VPS13C: variants seen among roughly 807,000 people sequenced by gnomAD.
VPS13C encodes intermembrane lipid transfer protein VPS13C.
In VPS13C, 358 loss-of-function variants were observed where a neutral mutation model predicts 456.8. That is an observed-to-expected ratio of 0.78 (90% CI 0.72 to 0.86). The LOEUF (loss-of-function observed/expected upper bound fraction) is 0.86, where lower values mean the gene tolerates loss of function less well. VPS13C is among the 40% of genes least tolerant of loss of function. VPS13C has a pLI of 0.00. For missense variants in VPS13C, 4,818 were observed against 4,385.4 expected (o/e 1.10, Z -2.79); for synonymous variants, 1,578 against 1,486.7 (o/e 1.06, Z -1.41).
At chr15:61,857,717 C>T (rs1455509143) in intron 82 of VPS13C, among the ~76,000 whole-genome samples, 1 of 151,982 alleles carries the variant, frequency 6.6e-6, no homozygotes, top group Non-Finnish European at 1.5e-5. Flanking sequence ...TAGGAAGTTA[C>T]GGCAATATAA....
chr15:62,017,398 C>A (rs2047294787), intron 9 of VPS13C, among the ~76,000 whole-genome samples: 1 of 152,048 alleles, frequency 6.6e-6, no homozygotes, highest in Non-Finnish European at 1.5e-5. Flanking sequence ...AGGTTTTCTT[C>A]TAGGGTTTTT....
In VPS13C at chr15:61,890,161, A is replaced by C. The variant is rs775566257; in HGVS notation, c.9341+4T>G. 6.2e-7 allele frequency: 1 copy of C among 1,613,612 alleles called. No homozygotes were observed. Among genetic ancestry groups the C allele is most frequent in the African/African-American group, 1.3e-5 (1 of 75,044 alleles). On this transcript the variant is annotated splice_donor_region_variant and intron_variant, in intron 67 of 84. Coordinates refer to ENST00000644861, the MANE Select transcript of VPS13C (RefSeq NM_020821.3). ...TAGGATGTCTTATTTTCCTTCTTGC[A>C]TACCTGGTTATCCCAATATAGGAAA... is the stretch of plus-strand genomic sequence containing the variant.
intron 8 of VPS13C, 79 bp from the exon 9 acceptor site, chr15:62,020,617 G>A: frequency 7.0e-7 from 1 of 1,432,664 alleles, no homozygotes. Flanking sequence ...GGCAGCAGAG[G>A]GAAATGTGTT....
Position 61,962,462 on chromosome 15 carries a change from T to C in VPS13C, c.3512A>G (p.Tyr1171Cys). 1.2e-6 allele frequency: 2 copies of C among 1,612,176 alleles called. No individual in the cohort carries two copies. Among genetic ancestry groups the C allele is most frequent in the South Asian group, 1.1e-5 (1 of 90,798 alleles). Reference protein sequence around the residue: ...LYPDATEGDLYTDMSKVDGVL... With the variant: ...LYPDATEGDLCTDMSKVDGVL... ...ACCATCCACTTTGGACATGTCAGTA[T>C]ACAAATCCCCCTCAGTAGCATCTGG... The change falls in exon 34 of 85, where the codon TAT becomes TGT. Residue 1171 changes from tyrosine to cysteine, a missense_variant. Coordinates refer to ENST00000644861, the MANE Select transcript of VPS13C (RefSeq NM_020821.3).
intron 15 of VPS13C, among the ~76,000 whole-genome samples, chr15:62,001,386 A>T (rs1035344420): frequency 6.6e-6 from 1 of 152,214 alleles, no homozygotes; most frequent in Non-Finnish European, 1.5e-5. Context: ...TAGGAATTCA[A>T]CTCATTTTTC....
At chr15:61,936,806 A>T in intron 47 of VPS13C, 56 bp from the exon 48 acceptor site, 12 of 1,479,616 alleles carry the variant, frequency 8.1e-6, no homozygotes, top group Non-Finnish European at 1.1e-5. Context: ...GTAGACTATC[A>T]TATCTATATC....
intron 66 of VPS13C, among the ~76,000 whole-genome samples, chr15:61,895,651 G>A (rs1377555932): frequency 1.3e-5 from 2 of 152,210 alleles, no homozygotes; most frequent in East Asian, 3.9e-4. Flanking sequence ...AACCCTGGAA[G>A]AAACAGAAAA....
chr15:61,869,449 T>C (rs1365114290), intron 80 of VPS13C, 51 bp downstream of exon 80: 2 of 1,591,114 alleles, frequency 1.3e-6, no homozygotes, highest in South Asian at 2.2e-5. Flanking sequence ...GTATTCCTTG[T>C]AATAATTAGC....
At chr15:61,914,566 T>C (rs968445547) in intron 61 of VPS13C, among the ~76,000 whole-genome samples, 3 of 151,160 alleles carry the variant, frequency 2.0e-5, no homozygotes, top group Non-Finnish European at 4.4e-5. Flanking sequence ...CAAAACTATG[T>C]TTCTTTTTTT....
intron 45 of VPS13C, 74 bp downstream of exon 45, chr15:61,945,641 A>G (rs2044578128): frequency 8.2e-7 from 1 of 1,223,360 alleles, no homozygotes; most frequent in African/African-American, 1.5e-5. Context: ...GAAGATTTTT[A>G]CTATCTAGGT....
intron 37 of VPS13C, among the ~76,000 whole-genome samples, chr15:61,957,174 ATG>A (rs1272256530): frequency 6.6e-6 from 1 of 152,154 alleles, no homozygotes; most frequent in Non-Finnish European, 1.5e-5. Flanking sequence ...CGCAAACAAA[ATG>A]AAGAATAAAA....
chr15:61,919,568 C>A (rs2043583255), intron 57 of VPS13C, 119 bp from the exon 58 acceptor site: 1 of 1,056,214 alleles, frequency 9.5e-7, no homozygotes, highest in South Asian at 3.5e-5. Context: ...GAAATGATCA[C>A]CACAAATTGC....
intron 5 of VPS13C, 31 bp from the exon 6 acceptor site, chr15:62,028,451 T>C (rs756896149): frequency 1.2e-6 from 2 of 1,608,066 alleles, no homozygotes; most frequent in Non-Finnish European, 1.7e-6. Context: ...ATAACCAAAA[T>C]GCAAAGCAAT....
chr15:62,046,841 T>C (rs1410382531), intron 1 of VPS13C, among the ~76,000 whole-genome samples: 2 of 152,212 alleles, frequency 1.3e-5, no homozygotes, highest in African/African-American at 2.4e-5. Context: ...ACTACCAATA[T>C]GGCTAATAGA....
intron 18 of VPS13C, among the ~76,000 whole-genome samples, chr15:61,988,200 A>G (rs1236547209): frequency 6.6e-6 from 1 of 152,214 alleles, no homozygotes; most frequent in Non-Finnish European, 1.5e-5. Flanking sequence ...AAGGCAAAAG[A>G]AGAAAAATGA....
intron 16 of VPS13C, among the ~76,000 whole-genome samples, chr15:61,997,966 C>T (rs1027334871): frequency 3.9e-5 from 6 of 152,038 alleles, no homozygotes; most frequent in Admixed American, 3.3e-4. Context: ...AGCCAAAATC[C>T]ACACAATGGC....
rs572345786 is a variant in VPS13C, at chr15:61,981,220, A to G, written c.2166+122T>C. 36 of 1,194,234 alleles carry G rather than the reference A, an allele frequency of 3.0e-5. No homozygotes were observed. The African/African-American group carries it at 5.3e-4, about 18-fold the overall frequency. The allele number at this position is 1,194,234 out of a possible 1,614,324, so 74.0% of individuals were successfully genotyped here. On this transcript the variant is annotated intron_variant, in intron 22 of 84. Coordinates refer to ENST00000644861, the MANE Select transcript of VPS13C (RefSeq NM_020821.3). ...ATACTCCAAGCAAGGCTTGAAACAC[A>G]GGCTAAAAAATAAGTCTACATTTAG...
rs116286772 is a variant in VPS13C at position 61,933,267 on chromosome 15, C to T, written c.5868+952G>A. On this transcript the variant is annotated intron_variant, in intron 49 of 84. Transcript: ENST00000644861. Reference sequence around the variant, plus strand: ...GTAAAATGAAGAATGAATTTAACTGCTCATTTTTGGTAAGGTCATTTTCTG... The same window carrying T: ...GTAAAATGAAGAATGAATTTAACTGTTCATTTTTGGTAAGGTCATTTTCTG... Among the ~76,000 whole-genome samples the T allele has an allele frequency of 6.9e-3, 1,051 of 152,146 alleles. 9 individuals carry two copies. The highest frequency in any genetic ancestry group is 0.024 in the African/African-American group (1,001 of 41,518).
intron 32 of VPS13C, 127 bp downstream of exon 32, chr15:61,963,708 C>T: frequency 1.5e-6 from 1 of 673,100 alleles, no homozygotes; most frequent in East Asian, 2.6e-5. Context: ...AGCATACAAT[C>T]CAATTACGTC....
Sources: gnomAD v4.1 joint callset for allele counts (sites outside exome capture counted in the v4.1 genomes callset) on GRCh38, gnomAD v4.1.1 for gene constraint, MANE v1.5 for transcripts, NCBI Gene and HGNC (gene_info 2026-07-23, HGNC 2026-07-21) for gene names.